Variants in SLC9D1 observed in about 807,000 individuals in gnomAD.
The protein encoded by SLC9D1 is solute carrier family 9 member D1, also known as putative LAG1-interacting protein.
the SLC9D1 span, among the ~76,000 whole-genome samples, chr13:113,516,612 C>T: frequency 6.6e-6 from 1 of 151,754 alleles, no homozygotes. Context: ...GTATATAGCC[C>T]AAACTTAAGA....
the SLC9D1 span, chr13:113,533,963 G>C: frequency 9.1e-7 from 1 of 1,100,236 alleles, no homozygotes; most frequent in South Asian, 1.5e-5. Flanking sequence ...GCATGTTAAA[G>C]AAAAAAACTG....
chr13:113,506,016 G>C, the SLC9D1 span: 1 of 157,440 alleles, frequency 6.4e-6, no homozygotes, highest in Non-Finnish European at 1.4e-5. Flanking sequence ...TATATTTCTT[G>C]TAAATTGTTA....
the SLC9D1 span, among the ~76,000 whole-genome samples, chr13:113,542,452 G>A: frequency 6.6e-6 from 1 of 152,198 alleles, no homozygotes; most frequent in Non-Finnish European, 1.5e-5. Context: ...TCACCTTCAG[G>A]GGAGAATGCG....
the SLC9D1 span, among the ~76,000 whole-genome samples, chr13:113,516,840 G>A: frequency 2.6e-5 from 4 of 152,224 alleles, no homozygotes; most frequent in African/African-American, 9.6e-5. Context: ...GAGGAGGCAG[G>A]CACCTGGAGG....
the SLC9D1 span, chr13:113,548,208 G>C: frequency 7.0e-7 from 1 of 1,421,290 alleles, no homozygotes; most frequent in South Asian, 1.2e-5. Flanking sequence ...GACCATCGCA[G>C]CGTGCCTGTG....
the SLC9D1 span, among the ~76,000 whole-genome samples, chr13:113,519,166 C>G: frequency 2.0e-5 from 3 of 151,910 alleles, no homozygotes; most frequent in African/African-American, 7.3e-5. Flanking sequence ...GCCTCAGCCT[C>G]CCAAGTAGCT....
chr13:113,495,565 C>A, the SLC9D1 span: 1 of 1,519,684 alleles, frequency 6.6e-7, no homozygotes, highest in Non-Finnish European at 8.8e-7. Context: ...CTGTGCCCTG[C>A]CCTCCGGACC....
At chr13:113,548,482 T>A in the SLC9D1 span, 16 of 1,589,488 alleles carry the variant, frequency 1.0e-5, no homozygotes, top group Non-Finnish European at 1.3e-5. Flanking sequence ...GGAGCGCTTC[T>A]CGGGCGGCAC....
the SLC9D1 span, among the ~76,000 whole-genome samples, chr13:113,540,301 T>C: frequency 2.6e-5 from 4 of 152,202 alleles, no homozygotes; most frequent in African/African-American, 9.6e-5. Context: ...TTGCAGTTAT[T>C]TGAGAAATCT....
the SLC9D1 span, chr13:113,548,181 T>G: frequency 9.1e-7 from 1 of 1,100,164 alleles, no homozygotes. Flanking sequence ...CTTTCCCTAC[T>G]TGACGTGTTA....
the SLC9D1 span, among the ~76,000 whole-genome samples, chr13:113,500,542 C>T: frequency 2.0e-5 from 3 of 152,194 alleles, no homozygotes; most frequent in Non-Finnish European, 2.9e-5. Flanking sequence ...CATGAGAACC[C>T]ATCCAGCAGT....
chr13:113,526,588 G>A, the SLC9D1 span, among the ~76,000 whole-genome samples: 3 of 151,980 alleles, frequency 2.0e-5, no homozygotes, highest in African/African-American at 2.4e-5. Context: ...GCGTGGTGGC[G>A]CACACCCATA....
chr13:113,503,711 T>C, the SLC9D1 span: 1 of 611,372 alleles, frequency 1.6e-6, no homozygotes, highest in Non-Finnish European at 2.9e-6. Flanking sequence ...GAATATGATA[T>C]TTCGGTTTGA....
the SLC9D1 span, among the ~76,000 whole-genome samples, chr13:113,492,126 G>A: frequency 6.6e-6 from 1 of 152,072 alleles, no homozygotes; most frequent in Non-Finnish European, 1.5e-5. Context: ...GCCACAGGGA[G>A]CATCACGCCC....
At chr13:113,525,291 G>A in the SLC9D1 span, among the ~76,000 whole-genome samples, 155 of 152,298 alleles carry the variant, frequency 1.0e-3, no homozygotes, top group African/African-American at 3.4e-3. Flanking sequence ...CCCTTGTAAC[G>A]TCACAGGGCA....
chr13:113,499,880 T>C, the SLC9D1 span: 1 of 808,436 alleles, frequency 1.2e-6, no homozygotes, highest in African/African-American at 1.8e-5. Flanking sequence ...TTTTTAACAT[T>C]CTTCTGTTTA....
chr13:113,534,856 T>C, the SLC9D1 span: 1 of 150,492 alleles, frequency 6.6e-6, no homozygotes, highest in South Asian at 2.1e-4. Flanking sequence ...CTGAGGCGGG[T>C]GGATCACAAG....
the SLC9D1 span, chr13:113,533,911 T>G: frequency 1.1e-5 from 8 of 716,322 alleles, no homozygotes; most frequent in Non-Finnish European, 1.2e-5. Context: ...GTTTTTGTAT[T>G]TGAAAATAAA....
the SLC9D1 span, among the ~76,000 whole-genome samples, chr13:113,518,634 C>G: frequency 6.6e-6 from 1 of 152,162 alleles, no homozygotes; most frequent in African/African-American, 2.4e-5. Flanking sequence ...CGCAGCCTCC[C>G]TCCCGTCTTG....
Sources: allele counts gnomAD v4.1 joint callset (sites outside exome capture counted in the v4.1 genomes callset), GRCh38; gene constraint gnomAD v4.1.1; transcripts MANE v1.5; gene names NCBI Gene and HGNC (gene_info 2026-07-23, HGNC 2026-07-21).